The following SMARCC2 variants were observed in gnomAD, a reference collection of about 807,000 sequenced individuals.
SMARCC2 encodes SWI/SNF related BAF chromatin remodeling complex subunit C2.
Under a neutral mutation model 151.3 loss-of-function variants are expected in SMARCC2, and 15 were observed. The observed-to-expected ratio is 0.10, with a 90% CI of 0.07 to 0.15. The LOEUF is 0.15. Ranked by LOEUF, SMARCC2 falls within the 10% of genes least tolerant of loss-of-function variation. The pLI is 1.00. For synonymous variants in SMARCC2, 590 were observed against 609.5 expected, an observed-to-expected ratio of 0.97 and a Z score of 0.47; for missense variants, 1,031 against 1,599.7, an observed-to-expected ratio of 0.64 and a Z score of 6.06.
chr12:56,187,596 T>G (rs1188589957), intron 1 of SMARCC2, among the ~76,000 whole-genome samples: 1 of 152,148 alleles, frequency 6.6e-6, no homozygotes, highest in Non-Finnish European at 1.5e-5. Flanking sequence ...CCCTATTATC[T>G]TGGCACCTCA....
intron 26 of SMARCC2, 97 bp from the exon 27 acceptor site, chr12:56,165,796 TCTCA>T: frequency 7.1e-6 from 9 of 1,265,562 alleles, no homozygotes; most frequent in Non-Finnish European, 1.0e-5. Flanking sequence ...AGAGCCTGCC[TCTCA>T]ATCAGAAGGT....
rs1873867607 is a variant in SMARCC2 at position 56,171,108 on chromosome 12, G to T, written c.2347+163C>A. Among the ~76,000 whole-genome samples the T allele has an allele frequency of 6.6e-6, 1 of 152,140 alleles. No individual in the cohort carries two copies. Among genetic ancestry groups the T allele is most frequent in the South Asian group, 2.1e-4 (1 of 4,834 alleles). The stretch of plus-strand genomic sequence containing the variant: ...AAATCTTCATGAGAGGACTAGTAGG[G>T]CTCCAGAGCCCCTGAGGTAAACTCA... On this transcript the variant is annotated intron_variant, in intron 22 of 28. Coordinates refer to ENST00000550164, the MANE Select transcript of SMARCC2 (RefSeq NM_001330288.2). The surrounding 1 kb of genome is among the most constrained non-coding windows in gnomAD (Gnocchi z 4.2).
rs145178493 is a variant in SMARCC2, at chr12:56,165,670, G to A, written c.2880C>T (p.Ala960=). The A allele has an allele frequency of 4.2e-4, 685 of 1,611,952 alleles. 3 individuals are homozygous for A. In the Middle Eastern group the frequency reaches 5.3e-3, roughly 12 times the overall value. The change falls in exon 27 of 29, where the codon GCC becomes GCT. Residue 960 remains alanine (A), a synonymous_variant. Coordinates refer to ENST00000550164, the MANE Select transcript of SMARCC2 (RefSeq NM_001330288.2). ...GCTCCATGTGGAAGGCTTGTCTGTC[G>A]GCCAGGAGCTGCTGCCTCTGATACT... The part of the protein sequence containing the change: ...ALEYQRQQLL[A]DRQAFHMEQL...
At chr12:56,168,215 C>T (rs770839229) in intron 25 of SMARCC2, 21 bp from the exon 26 acceptor site, 1 of 1,613,760 alleles carries the variant, frequency 6.2e-7, no homozygotes, top group East Asian at 2.2e-5. Flanking sequence ...AGGGGCGAGA[C>T]AGCACATCAG....
chr12:56,179,973 C>A (rs1486632517), intron 11 of SMARCC2, among the ~76,000 whole-genome samples: 1 of 152,054 alleles, frequency 6.6e-6, no homozygotes, highest in Non-Finnish European at 1.5e-5. Flanking sequence ...GCGTAAGCCA[C>A]CGCGCCCTGA....
rs762524732 is a variant in SMARCC2 at position 56,174,675 on chromosome 12, G to A, written c.1472C>T (p.Ala491Val). ...LTSTACRRNL[A>V]GDVCAIMRVH... ...CCTCATGATGGCACAGACATCACCC[G>A]CTAGGTTTCGGCGGCAGGCGGTAGA... The change falls in exon 16 of 29, where the codon GCG becomes GTG. Residue 491 changes from alanine to valine, a missense_variant. By Grantham distance (64) the Ala-to-Val change is moderately conservative. This residue lies in a region of SMARCC2 where 51 missense variants were observed against 135.1 expected (regional missense o/e 0.38). Coordinates refer to ENST00000550164, the MANE Select transcript of SMARCC2 (RefSeq NM_001330288.2). 1.9e-6 allele frequency: 3 copies of A among 1,613,372 alleles called. No homozygotes were observed. Among genetic ancestry groups the A allele is most frequent in the East Asian group, 4.5e-5 (2 of 44,866 alleles).
chr12:56,164,371 G>A lies in SMARCC2; in HGVS notation c.3593C>T (p.Ala1198Val). ...TGCCACAATGGCAGGGCTTTGGGCTGCGGCGGATCCGAGCCCCGGCCCGAG... is the reference window on the plus strand; with the variant it reads ...TGCCACAATGGCAGGGCTTTGGGCTACGGCGGATCCGAGCCCCGGCCCGAG... ...LPLGPGLGSA[A>V]AQSPAIVAAV... is the part of the protein sequence containing the mutation. The change falls in exon 28 of 29, where the codon GCA becomes GTA. Residue 1198 changes from alanine (A) to valine (V), a missense_variant. Physicochemically the swap from Ala to Val is moderately conservative, Grantham distance 64 (BLOSUM62 0). This residue lies in a region of SMARCC2 where 310 missense variants were observed against 350.0 expected (regional missense o/e 0.89). Transcript: ENST00000550164. The A allele has an allele frequency of 6.2e-7, 1 of 1,613,770 alleles. No individual in the cohort carries two copies. Among genetic ancestry groups the A allele is most frequent in the South Asian group, 1.1e-5 (1 of 91,078 alleles).
In SMARCC2 at chr12:56,184,190, C is replaced by T; in HGVS notation, c.547G>A (p.Gly183Arg). Residue 183 changes from glycine to arginine, a missense_variant, in exon 6 of 29, where the codon GGG becomes AGG. Coordinates refer to ENST00000550164, the MANE Select transcript of SMARCC2 (RefSeq NM_001330288.2). The part of the protein sequence containing the change: ...NASHVVYPVP[G>R]NLEEEEWVRP... ...CAGGTCTCACCTTCTTCTAGATTCC[C>T]CGGGACAGGATACACAACATGGGAG... The T allele has an allele frequency of 6.2e-7, 1 of 1,613,462 alleles. No individual in the cohort carries two copies. Among genetic ancestry groups the T allele is most frequent in the East Asian group, 2.2e-5 (1 of 44,878 alleles).
At position 56,163,589 on chromosome 12, in the gene SMARCC2, A is replaced by G. The variant is rs1565888028; in HGVS notation, c.*100T>C. 6.5e-6 allele frequency: 4 copies of G among 612,598 alleles called. No individual in the cohort carries two copies. The highest frequency in any genetic ancestry group is 8.2e-6 in the Non-Finnish European group (3 of 366,974). 37.9% of individuals were successfully genotyped at this position (612,598 alleles called of 1,614,324 possible). A position where few individuals can be genotyped will look rare whatever the true frequency, so the allele number is the denominator to read the frequency against. On this transcript the variant is annotated 3_prime_UTR_variant, in exon 29 of 29. Coordinates refer to ENST00000550164, the MANE Select transcript of SMARCC2 (RefSeq NM_001330288.2). ...AAGGAGCTTTCCTTACGTAGTGATG[A>G]ACTCTCCAGGCTGGGGAGGGTCCCA...
In SMARCC2 at chr12:56,162,419, A is replaced by G. The variant is rs1871996578; in HGVS notation, c.*1270T>C. ...AAAAGAAAGAAAGAAAAAAAGAGAAAATTTACAGAAAACTTTGAACAGAAG... is the reference window on the plus strand; with the variant it reads ...AAAAGAAAGAAAGAAAAAAAGAGAAGATTTACAGAAAACTTTGAACAGAAG... On this transcript the variant is annotated 3_prime_UTR_variant, in exon 29 of 29. Transcript: ENST00000550164. The G allele has an allele frequency of 6.3e-6, 4 of 639,788 alleles. No homozygotes were observed. The highest frequency in any genetic ancestry group is 1.1e-5 in the Non-Finnish European group (4 of 362,746). 39.6% of individuals were successfully genotyped at this position (639,788 alleles called of 1,614,324 possible). A position where few individuals can be genotyped will look rare whatever the true frequency, so the allele number is the denominator to read the frequency against.
At chr12:56,175,856 T>C (rs943130822) in intron 15 of SMARCC2, among the ~76,000 whole-genome samples, 2 of 152,108 alleles carry the variant, frequency 1.3e-5, no homozygotes, top group Non-Finnish European at 2.9e-5. Context: ...ATTATCATCA[T>C]TTACTATTTT....
At chr12:56,176,344 G>A (rs561267606) in intron 15 of SMARCC2, among the ~76,000 whole-genome samples, 23 of 152,354 alleles carry the variant, frequency 1.5e-4, no homozygotes, top group African/African-American at 5.3e-4. Flanking sequence ...AGGGGAAGCT[G>A]TGGAATAGCT....
intron 27 of SMARCC2, 26 bp downstream of exon 27, chr12:56,165,292 C>A: frequency 1.4e-6 from 2 of 1,468,596 alleles, no homozygotes; most frequent in Non-Finnish European, 1.8e-6. Flanking sequence ...CTCTAGCCAA[C>A]AAAAGTTCTG....
At chr12:56,168,021 G>A (rs759621645) in intron 26 of SMARCC2, 39 bp downstream of exon 26, 1 of 1,598,146 alleles carries the variant, frequency 6.3e-7, no homozygotes, top group African/African-American at 1.4e-5. Flanking sequence ...TTTAAACTGA[G>A]GCACAGCGCA....
At chr12:56,170,028 C>G (rs1873614629) in intron 23 of SMARCC2, 116 bp downstream of exon 23, 3 of 1,434,356 alleles carry the variant, frequency 2.1e-6, no homozygotes, top group Admixed American at 1.7e-5. Flanking sequence ...TGATCTGATT[C>G]TAGGAGACAA....
At chr12:56,176,816 GT>G (rs967691685) in intron 15 of SMARCC2, among the ~76,000 whole-genome samples, 6 of 148,148 alleles carry the variant, frequency 4.1e-5, no homozygotes, top group Non-Finnish European at 7.5e-5. Context: ...AATTTTTTTT[GT>G]TTTTGTTTTT....
intron 11 of SMARCC2, 79 bp from the exon 12 acceptor site, chr12:56,179,135 C>T (rs1875622664): frequency 3.9e-6 from 5 of 1,279,072 alleles, no homozygotes; most frequent in Non-Finnish European, 5.7e-6. Flanking sequence ...AGACATCCTA[C>T]TTTCTCCAAA....
At chr12:56,187,141 A>T in intron 2 of SMARCC2, 46 bp downstream of exon 2, 1 of 1,564,894 alleles carries the variant, frequency 6.4e-7, no homozygotes, top group Non-Finnish European at 8.7e-7. Flanking sequence ...AGTTTGAAGG[A>T]TTCACCACCA....
At chr12:56,172,804 C>T in intron 18 of SMARCC2, 100 bp from the exon 19 acceptor site, 2 of 1,580,370 alleles carry the variant, frequency 1.3e-6, no homozygotes, top group East Asian at 2.2e-5. Flanking sequence ...TTTCCCAAAG[C>T]CAGGGACACC....
Sources: gnomAD v4.1 joint callset for allele counts (sites outside exome capture counted in the v4.1 genomes callset) on GRCh38, gnomAD v4.1.1 for gene constraint, gnomAD v4.1.1 regional missense constraint, Gnocchi (gnomAD v3.1) non-coding constraint, MANE v1.5 for transcripts, NCBI Gene and HGNC (gene_info 2026-07-23, HGNC 2026-07-21) for gene names.